Variants in C18orf63 observed in about 807,000 individuals in gnomAD.
C18orf63 encodes the protein chromosome 18 open reading frame 63.
C18orf63 carries 50 observed loss-of-function variants against 75.3 expected under a neutral mutation model. That is an observed-to-expected ratio of 0.66 (90% confidence interval 0.53 to 0.84). The LOEUF is 0.84. C18orf63 is among the 40% of genes least tolerant of loss of function. The probability of loss-of-function intolerance (pLI) is 0.00; values close to 1 mark genes in which losing one functional copy is unlikely to be tolerated. For missense variants in C18orf63, 732 were observed against 800.2 expected (o/e 0.91, Z 1.03); for synonymous variants, 232 against 267.6 (o/e 0.87, Z 1.30).
intron 11 of C18orf63, among the ~76,000 whole-genome samples, chr18:74,351,651 A>G (rs115891484): frequency 0.012 from 1,873 of 152,322 alleles, 27 homozygotes; most frequent in African/African-American, 0.042. Context: ...GTGAGAGATG[A>G]TAACATAATT....
rs1333877713 is a variant in C18orf63 at position 74,317,922 on chromosome 18, ACT to A, written c.60_61del (p.Ala22CysfsTer7). 1.3e-6 allele frequency: 2 copies of A among 1,534,254 alleles called. No individual in the cohort carries two copies. The highest frequency in any genetic ancestry group is 8.7e-7 in the Non-Finnish European group (1 of 1,145,616). Reference protein sequence around the residue: ...FFITLPDLNKLCAVRIILSNK... With the variant: ...FFITLPDLNKXCAVRIILSNK... ...TCATCACACTTCCAGATTTAAACAA[ACT>A]CTGTGCTGTCAGAATAATACTGAGT... On this transcript the variant is annotated frameshift_variant, in exon 2 of 14. Coordinates refer to ENST00000579455, the MANE Select transcript of C18orf63 (RefSeq NM_001174123.2). LOFTEE classifies it high-confidence loss of function.
intron 4 of C18orf63, 141 bp from the exon 5 acceptor site, chr18:74,327,806 C>G: frequency 1.7e-6 from 1 of 602,324 alleles, no homozygotes; most frequent in Non-Finnish European, 3.0e-6. Flanking sequence ...ATGGGATTAG[C>G]TCTAGCAATG....
Position 74,353,510 on chromosome 18 carries a change from A to C in C18orf63, c.1243A>C (p.Arg415=). ...ACATTCAGAAGTATTAATGCCCAAC[A>C]GAGGAAATACTCAAGTTCAGCACAC... ...QVHSEVLMPN[R]GNTQVQHTNL... is the part of the protein sequence containing the mutation. The change falls in exon 12 of 14, where the codon AGA becomes CGA. Residue 415 remains arginine (R), a synonymous_variant. Coordinates refer to ENST00000579455, the MANE Select transcript of C18orf63 (RefSeq NM_001174123.2). 1.3e-6 allele frequency: 2 copies of C among 1,536,670 alleles called. No homozygotes were observed. Among genetic ancestry groups the C allele is most frequent in the South Asian group, 2.4e-5 (2 of 84,062 alleles).
At chr18:74,333,877 C>T (rs1422359184) in intron 7 of C18orf63, among the ~76,000 whole-genome samples, 2 of 152,208 alleles carry the variant, frequency 1.3e-5, no homozygotes, top group African/African-American at 4.8e-5. Flanking sequence ...ACATTATACA[C>T]TCAACATGTA....
At chr18:74,319,419 C>T (rs1338330307) in intron 2 of C18orf63, among the ~76,000 whole-genome samples, 1 of 150,548 alleles carries the variant, frequency 6.6e-6, no homozygotes, top group Non-Finnish European at 1.5e-5. Flanking sequence ...TAACCCCATA[C>T]ACATCCTAAT....
intron 11 of C18orf63, among the ~76,000 whole-genome samples, chr18:74,351,138 C>A (rs541997343): frequency 6.6e-6 from 1 of 152,282 alleles, no homozygotes; most frequent in Admixed American, 6.5e-5. Context: ...TCCCAATCAC[C>A]TATTTTCAGC....
chr18:74,335,253 G>A (rs1181157113), intron 7 of C18orf63, among the ~76,000 whole-genome samples: 1 of 152,002 alleles, frequency 6.6e-6, no homozygotes, highest in Non-Finnish European at 1.5e-5. Context: ...GGTGACTTTT[G>A]TTTCTAAATT....
In C18orf63 at chr18:74,358,778, A is replaced by G. The variant is rs1984814247; in HGVS notation, c.*2331A>G. On this transcript the variant is annotated 3_prime_UTR_variant, in exon 14 of 14. Transcript: ENST00000579455. ...AATGTCAAAATAAATGCCAAGAATC[A>G]TATTTCTAGGAATGCAAAAGTGCTT... The G allele has an allele frequency of 6.6e-6, 1 of 152,176 alleles. No individual in the cohort carries two copies. Among genetic ancestry groups the G allele is most frequent in the South Asian group, 2.1e-4 (1 of 4,834 alleles). 9.4% of individuals were successfully genotyped at this position (152,176 alleles called of 1,614,324 possible).
intron 11 of C18orf63, among the ~76,000 whole-genome samples, chr18:74,344,236 G>T (rs1984534911): frequency 6.6e-6 from 1 of 152,084 alleles, no homozygotes; most frequent in Admixed American, 6.6e-5. Flanking sequence ...TGGCCATATG[G>T]GCATTGGCCT....
intron 2 of C18orf63, among the ~76,000 whole-genome samples, chr18:74,320,260 G>C (rs532584650): frequency 1.4e-4 from 21 of 152,144 alleles, no homozygotes; most frequent in Non-Finnish European, 2.2e-4. Context: ...GAAGGGTGAA[G>C]GGGAAGCAAG....
rs571001669 is a variant in C18orf63 at position 74,356,585 on chromosome 18, T to C, written c.*138T>C. ...ACTGCTGTGGAACCTCCTTTTTCAC[T>C]TGACAGTTTCTTTTTATTGTTTGCA... On this transcript the variant is annotated 3_prime_UTR_variant, in exon 14 of 14. Coordinates refer to ENST00000579455, the MANE Select transcript of C18orf63 (RefSeq NM_001174123.2). 4.6e-5 allele frequency: 7 copies of C among 152,770 alleles called. No homozygotes were observed. Among genetic ancestry groups the C allele is most frequent in the African/African-American group, 1.7e-4 (7 of 41,578 alleles). The allele number at this position is 152,770 out of a possible 1,614,324, so 9.5% of individuals were successfully genotyped here. A position where few individuals can be genotyped will look rare whatever the true frequency, so the allele number is the denominator to read the frequency against.
In C18orf63 at chr18:74,358,970, C is replaced by G. The variant is rs995981901; in HGVS notation, c.*2523C>G. 1 of 151,638 alleles carries G rather than the reference C, an allele frequency of 6.6e-6. No individual in the cohort carries two copies. The highest frequency in any genetic ancestry group is 1.5e-5 in the Non-Finnish European group (1 of 67,908). The allele number at this position is 151,638 out of a possible 1,614,324, so 9.4% of individuals were successfully genotyped here. A position where few individuals can be genotyped will look rare whatever the true frequency, so the allele number is the denominator to read the frequency against. ...AATGATTAGCTTTTATTTGACTAAC[C>G]AGTTGACCAATTTTGCTCTGTTTTC... On this transcript the variant is annotated 3_prime_UTR_variant, in exon 14 of 14. Transcript: ENST00000579455.
chr18:74,350,410 G>A (rs1447449362), intron 11 of C18orf63, among the ~76,000 whole-genome samples: 1 of 152,098 alleles, frequency 6.6e-6, no homozygotes, highest in Non-Finnish European at 1.5e-5. Context: ...AAGTTATACT[G>A]TAGTAGGGTG....
chr18:74,325,830 G>A (rs1475858478), intron 4 of C18orf63, among the ~76,000 whole-genome samples: 1 of 152,204 alleles, frequency 6.6e-6, no homozygotes, highest in African/African-American at 2.4e-5. Context: ...AGGTGGTAGA[G>A]AATTTGTCCT....
rs1269868254 is a variant in C18orf63 at position 74,353,959 on chromosome 18, C to T, written c.1692C>T (p.Phe564=). 3 of 1,535,954 alleles carry T rather than the reference C, an allele frequency of 2.0e-6. No individual in the cohort carries two copies. The African/African-American group carries it at 4.1e-5, about 21-fold the overall frequency. The change falls in exon 12 of 14, where the codon TTC becomes TTT. Residue 564 remains phenylalanine, a synonymous_variant. Coordinates refer to ENST00000579455, the MANE Select transcript of C18orf63 (RefSeq NM_001174123.2). ...GGGTGGTAAAAAGTGCTGTTGACTT[C>T]CAAATGAAAGGAAAAGAAAATTTAA... ...NLGVVKSAVD[F]QMKGKENLTG...
chr18:74,338,771 T>G lies in C18orf63; in HGVS notation c.558T>G (p.His186Gln). 1 of 1,427,874 alleles carries G rather than the reference T, an allele frequency of 7.0e-7. No individual in the cohort carries two copies. Among genetic ancestry groups the G allele is most frequent in the Non-Finnish European group, 9.3e-7 (1 of 1,080,510 alleles). The allele number at this position is 1,427,874 out of a possible 1,614,324, so 88.5% of individuals were successfully genotyped here. A position where few individuals can be genotyped will look rare whatever the true frequency, so the allele number is the denominator to read the frequency against. The change falls in exon 8 of 14, where the codon CAT (histidine) becomes CAG (glutamine). Residue 186 changes from histidine to glutamine, a missense_variant. Coordinates refer to ENST00000579455, the MANE Select transcript of C18orf63 (RefSeq NM_001174123.2). ...SIIKDFHANKHAVIERHSILS... is the reference protein window; with the variant it reads ...SIIKDFHANKQAVIERHSILS... ...TAAAGGATTTTCATGCTAACAAGCA[T>G]GCTGTCATTGAGAGACATTCCATTT...
chr18:74,330,928 C>G lies in C18orf63; in HGVS notation c.487C>G (p.Leu163Val). ...CLSIEACTIR[L>V]PAPELKEFEI... is the part of the protein sequence containing the mutation. ...AAGTATAGAAGCTTGCACAATCAGA[C>G]TGCCAGCACCTGAGGTACCATATAT... Residue 163 changes from leucine to valine, a missense_variant, in exon 7 of 14, where the codon CTG (leucine) becomes GTG (valine). Transcript: ENST00000579455. 1.4e-6 allele frequency: 2 copies of G among 1,449,602 alleles called. No individual in the cohort carries two copies. Among genetic ancestry groups the G allele is most frequent in the South Asian group, 2.7e-5 (2 of 75,138 alleles). 89.8% of individuals were successfully genotyped at this position (1,449,602 alleles called of 1,614,324 possible).
chr18:74,317,015 C>T (rs921492246), intron 1 of C18orf63, among the ~76,000 whole-genome samples: 1 of 152,184 alleles, frequency 6.6e-6, no homozygotes. Context: ...GCTGGCATTG[C>T]CAGCATTCCT....
intron 13 of C18orf63, among the ~76,000 whole-genome samples, 156 bp from the exon 14 acceptor site, chr18:74,356,323 CTA>C (rs1984764132): frequency 6.6e-6 from 1 of 152,056 alleles, no homozygotes; most frequent in African/African-American, 2.4e-5. Flanking sequence ...ATTCTGCACT[CTA>C]TGTCCACGTG....
Sources: gnomAD v4.1 joint callset for allele counts (sites outside exome capture counted in the v4.1 genomes callset) on GRCh38, gnomAD v4.1.1 for gene constraint, MANE v1.5 for transcripts, NCBI Gene and HGNC (gene_info 2026-07-23, HGNC 2026-07-21) for gene names.